MAPRE2: variants seen among roughly 807,000 people sequenced by gnomAD.
MAPRE2 encodes microtubule-associated protein RP/EB family member 2.
In MAPRE2, 13 loss-of-function variants were observed where a neutral mutation model predicts 43.2. The observed-to-expected ratio is 0.30, with a 90% CI of 0.20 to 0.48. MAPRE2 has a LOEUF of 0.48. Ranked by LOEUF, MAPRE2 falls within the 20% of genes least tolerant of loss-of-function variation. MAPRE2 has a pLI of 0.99. For synonymous variants in MAPRE2, 135 were observed against 148.8 expected, an observed-to-expected ratio of 0.91 and a Z score of 0.68; for missense variants, 161 against 400.2, an observed-to-expected ratio of 0.40 and a Z score of 5.10.
Position 34,984,947 on chromosome 18 carries a change from A to T in MAPRE2, c.-70+7868A>T, listed in dbSNP as rs374167749. ...ATATTTTATGTTATATAATATATAA[A>T]ATATATTATATATAAAATATATAAT... On this transcript the variant is annotated intron_variant, in intron 1 of 7. Coordinates refer to the MAPRE2 transcript ENST00000413393. 2.5e-3 allele frequency among the ~76,000 whole-genome samples: 17 copies of T among 6,668 alleles called. No individual in the cohort carries two copies. The East Asian group carries it at 0.049, about 19-fold the overall frequency. The allele number at this position is 6,668 out of a possible 152,430, so 4.4% of individuals were successfully genotyped here.
At chr18:35,106,967 G>A (rs141330095) in intron 4 of MAPRE2, among the ~76,000 whole-genome samples, 1 of 152,276 alleles carries the variant, frequency 6.6e-6, no homozygotes, top group Non-Finnish European at 1.5e-5. Flanking sequence ...TGTTGGTGGG[G>A]ATTGGTTTTT....
chr18:35,042,209 T>C (rs888041481), intron 1 of MAPRE2, among the ~76,000 whole-genome samples: 1 of 152,208 alleles, frequency 6.6e-6, no homozygotes, highest in Non-Finnish European at 1.5e-5. Flanking sequence ...GAGGTGATAG[T>C]GTCAGACATT....
chr18:35,038,648 T>C (rs1369903795), upstream of MAPRE2, among the ~76,000 whole-genome samples: 1 of 152,178 alleles, frequency 6.6e-6, no homozygotes, highest in African/African-American at 2.4e-5. Context: ...TTCCTGAATT[T>C]TCTGTACTTT....
chr18:35,133,673 C>T (rs1910264146), intron 6 of MAPRE2, among the ~76,000 whole-genome samples: 1 of 152,194 alleles, frequency 6.6e-6, no homozygotes, highest in Non-Finnish European at 1.5e-5. Flanking sequence ...AACGGGGAAA[C>T]CCTGAGTCTA....
intron 1 of MAPRE2, among the ~76,000 whole-genome samples, chr18:35,051,424 C>A (rs1905930645): frequency 6.6e-6 from 1 of 152,202 alleles, no homozygotes; most frequent in Non-Finnish European, 1.5e-5. Flanking sequence ...AAGCCAATTT[C>A]TTTCCCCCTG....
At chr18:35,059,629 G>T (rs533492115) in intron 1 of MAPRE2, among the ~76,000 whole-genome samples, 16 of 152,296 alleles carry the variant, frequency 1.1e-4, no homozygotes, top group Middle Eastern at 3.4e-3. Context: ...ATTACCAATG[G>T]TGTTAGTATC....
At chr18:35,107,247 G>A (rs1279822304) in intron 4 of MAPRE2, among the ~76,000 whole-genome samples, 1 of 152,164 alleles carries the variant, frequency 6.6e-6, no homozygotes, top group Non-Finnish European at 1.5e-5. Flanking sequence ...AAGTAGAATA[G>A]AATAAAGTAT....
chr18:35,090,570 A>C (rs138786268), intron 2 of MAPRE2, among the ~76,000 whole-genome samples: 10,500 of 152,036 alleles, frequency 0.069, 502 homozygotes, highest in East Asian at 0.22. Flanking sequence ...TGTCTCCACT[A>C]AAAATACAAA....
chr18:35,109,798 G>A (rs1909090407), intron 4 of MAPRE2, among the ~76,000 whole-genome samples: 1 of 151,970 alleles, frequency 6.6e-6, no homozygotes, highest in Non-Finnish European at 1.5e-5. Context: ...GGAGTGTCCA[G>A]CCCATTTACA....
At chr18:35,027,113 G>A (rs542201483) in intron 2 of MAPRE2, among the ~76,000 whole-genome samples, 1 of 152,294 alleles carries the variant, frequency 6.6e-6, no homozygotes, top group African/African-American at 2.4e-5. Context: ...AGCGAGTAAA[G>A]AAGGTTCAGC....
chr18:34,987,805 G>A (rs1347040445), intron 1 of MAPRE2, among the ~76,000 whole-genome samples: 1 of 151,908 alleles, frequency 6.6e-6, no homozygotes, highest in African/African-American at 2.4e-5. Context: ...GCCATGCCCA[G>A]CTAATTTTTG....
At chr18:35,125,950 T>C (rs1909885348) in intron 4 of MAPRE2, among the ~76,000 whole-genome samples, 1 of 152,232 alleles carries the variant, frequency 6.6e-6, no homozygotes, top group African/African-American at 2.4e-5. Context: ...GTAAATATCT[T>C]GTTCCCCAAA....
intron 2 of MAPRE2, among the ~76,000 whole-genome samples, chr18:35,077,247 G>GCACACACACA (rs774733086): frequency 8.6e-6 from 1 of 116,920 alleles, no homozygotes; most frequent in Non-Finnish European, 1.6e-5. Flanking sequence ...GCGTGCGCGC[G>GCACACACACA]CGCACACACA....
intron 2 of MAPRE2, among the ~76,000 whole-genome samples, chr18:35,077,596 G>A (rs1226487504): frequency 6.6e-6 from 1 of 152,154 alleles, no homozygotes; most frequent in Non-Finnish European, 1.5e-5. Flanking sequence ...GTACTAAGGA[G>A]TCTCTAAAGC....
At chr18:35,079,391 GA>G (rs1438649045) in intron 2 of MAPRE2, among the ~76,000 whole-genome samples, 1 of 152,198 alleles carries the variant, frequency 6.6e-6, no homozygotes, top group Non-Finnish European at 1.5e-5. Context: ...GCCATGCTAA[GA>G]GGCTCCATCA....
chr18:35,117,526 T>C (rs558859062), intron 4 of MAPRE2, among the ~76,000 whole-genome samples: 10 of 152,332 alleles, frequency 6.6e-5, no homozygotes, highest in African/African-American at 2.4e-4. Context: ...GACTGCTGCG[T>C]ACCAGGAGTG....
At chr18:34,995,631 G>C (rs1359660402) in intron 1 of MAPRE2, among the ~76,000 whole-genome samples, 1 of 152,182 alleles carries the variant, frequency 6.6e-6, no homozygotes, top group East Asian at 1.9e-4. Flanking sequence ...GCAGGAAGGA[G>C]GAGCAAGAAA....
chr18:35,000,104 A>G (rs1271606986), intron 1 of MAPRE2, among the ~76,000 whole-genome samples: 1 of 152,192 alleles, frequency 6.6e-6, no homozygotes, highest in Non-Finnish European at 1.5e-5. Context: ...CTACAACTGA[A>G]GGGATTCAAT....
chr18:34,982,074 G>C (rs903916131), intron 1 of MAPRE2, among the ~76,000 whole-genome samples: 1 of 151,558 alleles, frequency 6.6e-6, no homozygotes, highest in Non-Finnish European at 1.5e-5. Flanking sequence ...TAGTAGAGAC[G>C]GGGTTTCAAC....
Sources: gnomAD v4.1 joint callset for allele counts (sites outside exome capture counted in the v4.1 genomes callset) on GRCh38, gnomAD v4.1.1 for gene constraint, MANE v1.5 for transcripts, NCBI Gene and HGNC (gene_info 2026-07-23, HGNC 2026-07-21) for gene names.